The following ANKFN1 variants were observed in gnomAD, a reference collection of about 807,000 sequenced individuals.
The protein encoded by ANKFN1 is ankyrin repeat and fibronectin type III domain containing 1.
Under a neutral mutation model 108.7 loss-of-function variants are expected in ANKFN1, and 74 were observed. That is an observed-to-expected ratio of 0.68 (90% CI 0.56 to 0.83). ANKFN1 has a LOEUF of 0.83. Among genes scored for constraint, ANKFN1 ranks in the 40% least tolerant of loss-of-function variants. ANKFN1 has a pLI of 0.00. For missense variants in ANKFN1, 1,505 were observed against 1,382.3 expected, an observed-to-expected ratio of 1.09 and a Z score of -1.41; for synonymous variants, 547 against 516.2, an observed-to-expected ratio of 1.06 and a Z score of -0.81.
At chr17:56,158,833 A>G (rs1909355276) in intron 1 of ANKFN1, among the ~76,000 whole-genome samples, 2 of 152,156 alleles carry the variant, frequency 1.3e-5, no homozygotes, top group South Asian at 4.1e-4. Context: ...CAGAAAAGGA[A>G]GGTATGTGTG....
intron 4 of ANKFN1, among the ~76,000 whole-genome samples, chr17:56,067,309 T>C (rs989212741): frequency 2.6e-5 from 4 of 152,232 alleles, no homozygotes; most frequent in African/African-American, 9.7e-5. Flanking sequence ...CTTTTTCCTT[T>C]CTTGACTGTG....
At chr17:56,423,804 T>C (rs141211565) in intron 8 of ANKFN1, among the ~76,000 whole-genome samples, 267 of 152,358 alleles carry the variant, frequency 1.8e-3, no homozygotes, top group African/African-American at 5.7e-3. Flanking sequence ...CACATTTTTA[T>C]TGTAATTATC....
At chr17:56,355,028 G>A (rs2046338128) in intron 6 of ANKFN1, among the ~76,000 whole-genome samples, 1 of 152,104 alleles carries the variant, frequency 6.6e-6, no homozygotes, top group African/African-American at 2.4e-5. Flanking sequence ...GGTGTTTACT[G>A]TACAGTAGGG....
chr17:56,048,333 G>A (rs1221729478), intron 4 of ANKFN1, among the ~76,000 whole-genome samples: 1 of 151,964 alleles, frequency 6.6e-6, no homozygotes, highest in Non-Finnish European at 1.5e-5. Context: ...TCTTAACATT[G>A]ATATTACTAA....
intron 3 of ANKFN1, among the ~76,000 whole-genome samples, chr17:56,257,408 C>T (rs1369715116): frequency 6.6e-6 from 1 of 152,206 alleles, no homozygotes; most frequent in Non-Finnish European, 1.5e-5. Flanking sequence ...TCTGGTTATT[C>T]ACTGGCCCTT....
At chr17:56,400,347 C>T (rs538842436) in intron 8 of ANKFN1, among the ~76,000 whole-genome samples, 1 of 152,200 alleles carries the variant, frequency 6.6e-6, no homozygotes, top group Non-Finnish European at 1.5e-5. Context: ...TGTTGTTGAG[C>T]ATTTTTTCAT....
rs1042912712 is a variant in ANKFN1, at chr17:56,326,262, A to C, written c.95A>C (p.His32Pro). ...RFACFAQRLS[H>P]RRKQSQCDLL... ...GCTTGCTTTGCACAGAGGCTGAGCC[A>C]CAGGAGAAAGCAAAGCCAATGTGAT... Residue 32 changes from histidine to proline, a missense_variant, in exon 4 of 21, where the codon CAC (histidine) becomes CCC (proline). Physicochemically the swap from His to Pro is moderately conservative, Grantham distance 77. Transcript: ENST00000682825. 2.5e-6 allele frequency: 4 copies of C among 1,613,958 alleles called. No individual in the cohort carries two copies. Among genetic ancestry groups the C allele is most frequent in the Non-Finnish European group, 3.4e-6 (4 of 1,179,876 alleles).
At chr17:56,445,017 C>T (rs1441154048) in intron 10 of ANKFN1, among the ~76,000 whole-genome samples, 1 of 152,184 alleles carries the variant, frequency 6.6e-6, no homozygotes, top group African/African-American at 2.4e-5. Context: ...ACTCTCCTGG[C>T]ATTTGATGAC....
chr17:56,160,834 G>A (rs540297530), intron 1 of ANKFN1, among the ~76,000 whole-genome samples: 61 of 152,292 alleles, frequency 4.0e-4, no homozygotes, highest in Non-Finnish European at 8.1e-4. Flanking sequence ...AAACAGTAAT[G>A]ATACCTTAGA....
At chr17:56,473,165 C>T (rs1360309605) in intron 15 of ANKFN1, 1 of 151,972 alleles carries the variant, frequency 6.6e-6, no homozygotes, top group African/African-American at 2.4e-5. Flanking sequence ...AGTAAGTGCT[C>T]AGTAAAAGTT....
chr17:56,058,887 A>G (rs964895084), intron 4 of ANKFN1, among the ~76,000 whole-genome samples: 1 of 152,210 alleles, frequency 6.6e-6, no homozygotes, highest in African/African-American at 2.4e-5. Context: ...TAGTGCTGCA[A>G]TAAGCATATG....
At chr17:56,056,376 C>A (rs935932856) in intron 4 of ANKFN1, among the ~76,000 whole-genome samples, 47 of 135,108 alleles carry the variant, frequency 3.5e-4, no homozygotes, top group East Asian at 6.8e-4. Context: ...CAATTCTAAG[C>A]AAAAAAAAAA....
chr17:56,077,222 C>A (rs993441937), intron 4 of ANKFN1, among the ~76,000 whole-genome samples: 1 of 152,198 alleles, frequency 6.6e-6, no homozygotes, highest in Admixed American at 6.5e-5. Context: ...GACTTCCCCA[C>A]TGTATTGGTC....
chr17:56,322,947 CT>C (rs1157934043), intron 3 of ANKFN1, among the ~76,000 whole-genome samples: 1 of 152,186 alleles, frequency 6.6e-6, no homozygotes, highest in East Asian at 1.9e-4. Flanking sequence ...CATTTAATAT[CT>C]GCATATAATA....
chr17:56,367,002 G>A (rs1163031883), intron 6 of ANKFN1, among the ~76,000 whole-genome samples: 1 of 152,216 alleles, frequency 6.6e-6, no homozygotes, highest in African/African-American at 2.4e-5. Context: ...TAAAGGGGAG[G>A]TAACTGAGGT....
At chr17:56,419,303 G>A (rs1040758697) in intron 8 of ANKFN1, among the ~76,000 whole-genome samples, 27 of 151,056 alleles carry the variant, frequency 1.8e-4, no homozygotes, top group African/African-American at 5.9e-4. Flanking sequence ...CCAACATGGC[G>A]AAACCCCATC....
At chr17:56,510,158 C>G (rs949622140) in intron 20 of ANKFN1, among the ~76,000 whole-genome samples, 2 of 152,196 alleles carry the variant, frequency 1.3e-5, no homozygotes, top group Non-Finnish European at 2.9e-5. Context: ...AGCTGCCCAG[C>G]TAATAATAAA....
Position 56,466,351 on chromosome 17 carries a change from T to C in ANKFN1, c.1558-5T>C. ...CTATGCTACCGGTAATCCATTTGTT[T>C]CCAGAATTTACTTGGGACACACAAC... is the stretch of plus-strand genomic sequence containing the variant. On this transcript the variant is annotated splice_region_variant and splice_polypyrimidine_tract_variant and intron_variant, in intron 14 of 20. Transcript: ENST00000682825. The C allele has an allele frequency of 1.9e-6, 3 of 1,613,902 alleles. No individual in the cohort carries two copies. In the South Asian group the frequency reaches 3.3e-5, roughly 18 times the overall value.
chr17:56,134,786 C>A (rs946691518), intron 4 of ANKFN1, among the ~76,000 whole-genome samples: 1 of 152,154 alleles, frequency 6.6e-6, no homozygotes, highest in Admixed American at 6.5e-5. Context: ...CTATTTTGTA[C>A]CCTAGTATAA....
Sources: allele counts gnomAD v4.1 joint callset (sites outside exome capture counted in the v4.1 genomes callset), GRCh38; gene constraint gnomAD v4.1.1; transcripts MANE v1.5; gene names NCBI Gene and HGNC (gene_info 2026-07-23, HGNC 2026-07-21).